Variants in PLD5 observed in about 807,000 individuals in gnomAD.
PLD5 encodes the protein inactive phospholipase D5.
In PLD5, 36 loss-of-function variants were observed where a neutral mutation model predicts 61.1. That is an observed-to-expected ratio of 0.59 (90% confidence interval 0.45 to 0.78). The LOEUF (loss-of-function observed/expected upper bound fraction) is 0.78. PLD5 is among the 30% of genes least tolerant of loss of function. The pLI, the probability that PLD5 is intolerant of heterozygous loss-of-function variation, is 0.00. For synonymous variants in PLD5, 243 were observed against 242.8 expected, an observed-to-expected ratio of 1.00 and a Z score of -0.01; for missense variants, 515 against 644.4, an observed-to-expected ratio of 0.80 and a Z score of 2.17.
intron 4 of PLD5, among the ~76,000 whole-genome samples, chr1:242,236,545 AAAC>A (rs1270984257): frequency 6.7e-5 from 10 of 149,310 alleles, no homozygotes; most frequent in South Asian, 2.2e-4. Context: ...AAAATAATAA[AAAC>A]AACAAAAAAA....
intron 2 of PLD5, among the ~76,000 whole-genome samples, chr1:242,289,192 T>A (rs1675208331): frequency 6.6e-6 from 1 of 152,250 alleles, no homozygotes; most frequent in Admixed American, 6.5e-5. Context: ...TTTCTCTTTT[T>A]ATACTTTTTA....
chr1:242,175,091 A>G (rs1254576490), intron 5 of PLD5, among the ~76,000 whole-genome samples: 3 of 152,210 alleles, frequency 2.0e-5, no homozygotes, highest in African/African-American at 7.2e-5. Context: ...ATCCTCCCTA[A>G]CTCATTTTAT....
intron 1 of PLD5, among the ~76,000 whole-genome samples, chr1:242,389,274 C>G (rs1662781077): frequency 6.6e-6 from 1 of 151,852 alleles, no homozygotes; most frequent in East Asian, 1.9e-4. Context: ...AATGCTAGCC[C>G]CCTGGTATAC....
At chr1:242,442,173 G>A (rs1037222945) in intron 1 of PLD5, among the ~76,000 whole-genome samples, 3 of 152,198 alleles carry the variant, frequency 2.0e-5, no homozygotes, top group African/African-American at 7.2e-5. Flanking sequence ...TGCCCATCAT[G>A]AGACATTCCA....
intron 5 of PLD5, among the ~76,000 whole-genome samples, chr1:242,125,049 G>A (rs2148735828): frequency 6.6e-6 from 1 of 152,228 alleles, no homozygotes; most frequent in East Asian, 1.9e-4. Flanking sequence ...ATGGATTCTG[G>A]CTGGAATCAT....
rs749562088 is a variant in PLD5, at chr1:242,265,347, C to T, written c.597G>A (p.Leu199=). ...CAACCTTGGTCTTACCCTTTAATTT[C>T]AAGGCTTCTAATACCTTTGAATCAG... ...VTADSKVLEA[L]KLKGAEVTYM... The change falls in exon 4 of 10, where the codon TTG becomes TTA. Residue 199 remains leucine (L), a synonymous_variant. Transcript: ENST00000536534. 1.9e-6 allele frequency: 3 copies of T among 1,609,472 alleles called. No homozygotes were observed. Among genetic ancestry groups the T allele is most frequent in the Non-Finnish European group, 2.5e-6 (3 of 1,179,070 alleles).
intron 1 of PLD5, among the ~76,000 whole-genome samples, chr1:242,418,531 C>T (rs1460099469): frequency 1.3e-5 from 2 of 151,936 alleles, no homozygotes; most frequent in Non-Finnish European, 2.9e-5. Flanking sequence ...ATCAGCACTA[C>T]GAGGTAAAAT....
chr1:242,116,101 A>G (rs12129770), intron 6 of PLD5, among the ~76,000 whole-genome samples: 14,935 of 152,226 alleles, frequency 0.098, 891 homozygotes, highest in South Asian at 0.18. Context: ...TAATGCCAGG[A>G]TGTTTAGGAC....
At chr1:242,139,208 T>A (rs1344015700) in intron 5 of PLD5, among the ~76,000 whole-genome samples, 4 of 152,230 alleles carry the variant, frequency 2.6e-5, no homozygotes, top group African/African-American at 9.6e-5. Flanking sequence ...CAGATTTTTC[T>A]AAGGTGAAAA....
At chr1:242,270,290 G>C (rs1397473387) in intron 3 of PLD5, among the ~76,000 whole-genome samples, 1 of 150,840 alleles carries the variant, frequency 6.6e-6, no homozygotes, top group African/African-American at 2.4e-5. Flanking sequence ...AGAACCTTCA[G>C]GATACTGAGA....
At chr1:242,152,345 G>A (rs907582751) in intron 5 of PLD5, among the ~76,000 whole-genome samples, 4 of 151,810 alleles carry the variant, frequency 2.6e-5, no homozygotes, top group Non-Finnish European at 4.4e-5. Flanking sequence ...GTATAATTAG[G>A]ATAATGTCCC....
intron 2 of PLD5, among the ~76,000 whole-genome samples, chr1:242,303,965 C>A (rs1676204823): frequency 6.6e-6 from 1 of 152,080 alleles, no homozygotes. Flanking sequence ...TTTTGCCCAC[C>A]ATGGGCTCTG....
At chr1:242,145,923 G>A (rs892200368) in intron 5 of PLD5, among the ~76,000 whole-genome samples, 3 of 152,196 alleles carry the variant, frequency 2.0e-5, no homozygotes, top group Non-Finnish European at 2.9e-5. Context: ...TGATCCACTC[G>A]CCTTGGCCTC....
At chr1:242,271,530 G>T (rs1674084423) in intron 3 of PLD5, among the ~76,000 whole-genome samples, 1 of 152,132 alleles carries the variant, frequency 6.6e-6, no homozygotes, top group Non-Finnish European at 1.5e-5. Flanking sequence ...GAATCAGATA[G>T]ACTGGCAGAG....
At chr1:242,253,809 A>C (rs559710588) in intron 4 of PLD5, among the ~76,000 whole-genome samples, 1 of 152,354 alleles carries the variant, frequency 6.6e-6, no homozygotes, top group African/African-American at 2.4e-5. Flanking sequence ...CTGTAGCACA[A>C]GATTCTATGT....
intron 6 of PLD5, 41 bp downstream of exon 6, chr1:242,124,427 A>C (rs372647511): frequency 4.1e-4 from 641 of 1,567,782 alleles, no homozygotes; most frequent in Admixed American, 6.6e-4. Flanking sequence ...GAGCCTTTGG[A>C]GGAAGAAGGA....
chr1:242,520,792 G>A (rs905550254), intron 1 of PLD5, among the ~76,000 whole-genome samples: 1 of 152,176 alleles, frequency 6.6e-6, no homozygotes, highest in Non-Finnish European at 1.5e-5. Flanking sequence ...TACCTCCAAA[G>A]CAACCCAGCC....
intron 5 of PLD5, among the ~76,000 whole-genome samples, chr1:242,188,489 G>C (rs1668046641): frequency 6.6e-6 from 1 of 152,190 alleles, no homozygotes; most frequent in Admixed American, 6.5e-5. Context: ...GCACTGGTGT[G>C]ATGGTCCACA....
At chr1:242,193,617 A>G (rs1450399714) in intron 5 of PLD5, among the ~76,000 whole-genome samples, 1 of 152,232 alleles carries the variant, frequency 6.6e-6, no homozygotes, top group Admixed American at 6.5e-5. Context: ...TCAGAACAAC[A>G]GGTCATTATT....
Sources: gnomAD v4.1 joint callset for allele counts (sites outside exome capture counted in the v4.1 genomes callset) on GRCh38, gnomAD v4.1.1 for gene constraint, MANE v1.5 for transcripts, NCBI Gene and HGNC (gene_info 2026-07-23, HGNC 2026-07-21) for gene names.